The following PRKD1 variants were observed in gnomAD, a reference collection of about 807,000 sequenced individuals.
PRKD1 encodes serine/threonine-protein kinase D1.
In PRKD1, 63 loss-of-function variants were observed where a neutral mutation model predicts 95.9. The ratio of observed to expected loss-of-function variants is 0.66; its 90% confidence interval spans 0.54 to 0.81. PRKD1 has a LOEUF of 0.81. Ranked by LOEUF, PRKD1 falls within the 30% of genes least tolerant of loss-of-function variation. The pLI, the probability that PRKD1 is intolerant of heterozygous loss-of-function variation, is 0.00. For missense variants in PRKD1, 1,048 were observed against 1,165.3 expected (o/e 0.90, Z 1.47); for synonymous variants, 425 against 423.1 (o/e 1.00, Z -0.05).
At chr14:29,900,092 C>T (rs1894270878) in intron 1 of PRKD1, among the ~76,000 whole-genome samples, 1 of 152,196 alleles carries the variant, frequency 6.6e-6, no homozygotes, top group Non-Finnish European at 1.5e-5. Flanking sequence ...GTCAATTAAA[C>T]CTTTTTCCTT....
chr14:29,620,721 G>T (rs1044130838), intron 13 of PRKD1, among the ~76,000 whole-genome samples: 1 of 152,140 alleles, frequency 6.6e-6, no homozygotes, highest in Non-Finnish European at 1.5e-5. Context: ...CTTTCACACT[G>T]TTGGTGGGAC....
intron 4 of PRKD1, among the ~76,000 whole-genome samples, chr14:29,652,188 G>A (rs1254946300): frequency 6.6e-6 from 1 of 152,154 alleles, no homozygotes; most frequent in African/African-American, 2.4e-5. Flanking sequence ...CCTAACAGTG[G>A]AAGGCTCTGT....
chr14:29,631,259 G>A (rs1036261327), intron 9 of PRKD1, among the ~76,000 whole-genome samples: 3 of 152,046 alleles, frequency 2.0e-5, no homozygotes, highest in Non-Finnish European at 4.4e-5. Flanking sequence ...TTCATGTGGC[G>A]AGAATCAGTA....
rs973073374 is a variant in PRKD1, at chr14:29,652,977, C to T, written c.696+10722G>A. On this transcript the variant is annotated intron_variant, in intron 4 of 17. Coordinates refer to ENST00000331968, the MANE Select transcript of PRKD1 (RefSeq NM_002742.3). ...CTAATTATAGATAGAAAATACAATG[C>T]TGGTATTCTCGTTTTCATTTTTTAA... The T allele has an allele frequency of 2.6e-5, 4 of 152,094 alleles. No homozygotes were observed. The South Asian group carries it at 6.2e-4, about 24-fold the overall frequency. The allele number at this position is 152,094 out of a possible 1,614,324, so 9.4% of individuals were successfully genotyped here.
chr14:29,876,737 A>T (rs1481497020), intron 1 of PRKD1, among the ~76,000 whole-genome samples: 1 of 152,108 alleles, frequency 6.6e-6, no homozygotes, highest in Non-Finnish European at 1.5e-5. Flanking sequence ...AAACAAAAAA[A>T]AGCACCCAAT....
intron 2 of PRKD1, among the ~76,000 whole-genome samples, chr14:29,672,265 T>G (rs1405489060): frequency 6.6e-6 from 1 of 151,240 alleles, no homozygotes; most frequent in Non-Finnish European, 1.5e-5. Context: ...GGCGTGAACT[T>G]GGGAGGCAGA....
intron 9 of PRKD1, among the ~76,000 whole-genome samples, chr14:29,632,121 C>T (rs1001945544): frequency 6.6e-6 from 1 of 152,066 alleles, no homozygotes; most frequent in African/African-American, 2.4e-5. Context: ...ATTTTTAAGG[C>T]AATTCATACT....
chr14:29,926,606 A>G (rs1321127319), intron 1 of PRKD1, among the ~76,000 whole-genome samples: 1 of 152,090 alleles, frequency 6.6e-6, no homozygotes, highest in African/African-American at 2.4e-5. Context: ...CACCACTTCA[A>G]CGTCCTACTA....
chr14:29,608,134 A>C (rs1878149425), intron 13 of PRKD1, among the ~76,000 whole-genome samples: 1 of 152,198 alleles, frequency 6.6e-6, no homozygotes, highest in Admixed American at 6.5e-5. Flanking sequence ...CCATTTTGCC[A>C]ATCTGGATGC....
intron 2 of PRKD1, among the ~76,000 whole-genome samples, chr14:29,718,849 A>T (rs1885749320): frequency 6.6e-6 from 1 of 152,180 alleles, no homozygotes; most frequent in Non-Finnish European, 1.5e-5. Flanking sequence ...AAAAGCAAAC[A>T]AACAAAAACT....
chr14:29,771,642 T>C (rs905903870), intron 1 of PRKD1, among the ~76,000 whole-genome samples: 5 of 151,862 alleles, frequency 3.3e-5, no homozygotes, highest in African/African-American at 1.2e-4. Flanking sequence ...GCCATGGGAG[T>C]ACAGGCACCC....
intron 1 of PRKD1, among the ~76,000 whole-genome samples, chr14:29,920,810 G>C (rs1053779331): frequency 6.6e-6 from 1 of 152,136 alleles, no homozygotes; most frequent in African/African-American, 2.4e-5. Flanking sequence ...TTGTTTCCCA[G>C]TAAATTTGCC....
chr14:29,693,779 C>T (rs111845515), intron 2 of PRKD1, among the ~76,000 whole-genome samples: 4,060 of 152,106 alleles, frequency 0.027, 183 homozygotes, highest in African/African-American at 0.093. Context: ...ATAGGTCACC[C>T]AATCCAACCT....
chr14:29,761,885 C>A (rs908879384), intron 1 of PRKD1, among the ~76,000 whole-genome samples: 1 of 151,172 alleles, frequency 6.6e-6, no homozygotes, highest in Non-Finnish European at 1.5e-5. Flanking sequence ...TGGGCTCAAG[C>A]AATCCTCACA....
chr14:29,705,139 G>T (rs552044425), intron 2 of PRKD1, among the ~76,000 whole-genome samples: 1 of 152,226 alleles, frequency 6.6e-6, no homozygotes, highest in East Asian at 1.9e-4. Flanking sequence ...TAAAGACGAT[G>T]ATCTGAATAA....
rs1356913047 is a variant in PRKD1, at chr14:29,629,594, T to C, written c.1673-501A>G. On this transcript the variant is annotated intron_variant, in intron 10 of 17. Coordinates refer to ENST00000331968, the MANE Select transcript of PRKD1 (RefSeq NM_002742.3). ...CAGATAAATGGATAACACTATAATG[T>C]AAAAAAACCAGAGGTTAATTCATAG... Among the ~76,000 whole-genome samples, 5 of 152,174 alleles carry C rather than the reference T, an allele frequency of 3.3e-5. No individual in the cohort carries two copies. The South Asian group carries it at 1.0e-3, about 31-fold the overall frequency.
At chr14:29,801,810 T>G (rs1464997713) in intron 1 of PRKD1, among the ~76,000 whole-genome samples, 1 of 152,198 alleles carries the variant, frequency 6.6e-6, no homozygotes, top group East Asian at 1.9e-4. Context: ...TGCCTCAGCA[T>G]CCCCAGTAGC....
chr14:29,902,501 G>A (rs1894351878), intron 1 of PRKD1, among the ~76,000 whole-genome samples: 1 of 152,120 alleles, frequency 6.6e-6, no homozygotes, highest in Non-Finnish European at 1.5e-5. Flanking sequence ...GTATTTTTGA[G>A]GATGCATCAT....
At chr14:29,631,045 A>G in intron 9 of PRKD1, 24 bp from the exon 10 acceptor site, 1 of 1,566,190 alleles carries the variant, frequency 6.4e-7, no homozygotes, top group Non-Finnish European at 8.7e-7. Context: ...AAAGTACTAA[A>G]TGTTGTTTAT....
Sources: allele counts gnomAD v4.1 joint callset (sites outside exome capture counted in the v4.1 genomes callset), GRCh38; gene constraint gnomAD v4.1.1; transcripts MANE v1.5; gene names NCBI Gene and HGNC (gene_info 2026-07-23, HGNC 2026-07-21).